Variants in PPEF1 observed in about 807,000 individuals in gnomAD.
PPEF1 encodes the protein protein phosphatase with EF-hand domain 1.
Under a neutral mutation model 53.3 loss-of-function variants are expected in PPEF1, and 12 were observed. The ratio of observed to expected loss-of-function variants is 0.23; its 90% CI spans 0.14 to 0.36. The LOEUF (loss-of-function observed/expected upper bound fraction) is 0.36, where lower values mean the gene tolerates loss of function less well. Among genes scored for constraint, PPEF1 ranks in the 10% least tolerant of loss-of-function variants. The pLI is 1.00. For missense variants in PPEF1, 334 were observed against 490.4 expected (o/e 0.68, Z 3.01); for synonymous variants, 165 against 176.7 (o/e 0.93, Z 0.52).
At chrX:18,741,180 C>G (rs1268329054) in intron 3 of PPEF1, among the ~76,000 whole-genome samples, 1 of 111,802 alleles carries the variant, frequency 8.9e-6, no homozygotes, top group East Asian at 2.8e-4. Flanking sequence ...TTTTAGATAA[C>G]TGCAATTCGA....
intron 15 of PPEF1, 24 bp downstream of exon 15, chrX:18,825,859 T>A (rs1385870998): frequency 9.2e-7 from 1 of 1,092,485 alleles, no homozygotes; most frequent in Admixed American, 2.4e-5. Context: ...CTTGGATGAG[T>A]CCATTTAAAA....
rs1472421414 is a variant in PPEF1 at position 18,827,762 on chromosome X, G to A, written c.*275G>A. 4 of 286,411 alleles carry A rather than the reference G, an allele frequency of 1.4e-5. No homozygotes were observed. Among genetic ancestry groups the A allele is most frequent in the Non-Finnish European group, 2.5e-5 (4 of 162,639 alleles). The allele number at this position is 286,411 out of a possible 1,213,427, so 23.6% of individuals were successfully genotyped here. ...GTTGGACCTAGTGGTGTTGTCGTGA[G>A]TGCCACCTAACCAGGAGGCCAGAGC... On this transcript the variant is annotated 3_prime_UTR_variant, in exon 16 of 16. Transcript: ENST00000470157.
intron 10 of PPEF1, among the ~76,000 whole-genome samples, chrX:18,794,796 C>T (rs1399038079): frequency 8.9e-6 from 1 of 112,067 alleles, no homozygotes; most frequent in Non-Finnish European, 1.9e-5. Context: ...TAGCCCTCTA[C>T]TGGGAGCTGG....
At chrX:18,711,090 G>GTATATATATA (rs34861524) in intron 1 of PPEF1, among the ~76,000 whole-genome samples, 2 of 100,580 alleles carry the variant, frequency 2.0e-5, no homozygotes, top group African/African-American at 7.4e-5. Context: ...GTGTGTGTGT[G>GTATATATATA]TGTATATATA....
At chrX:18,734,073 T>G (rs1255727964) in intron 3 of PPEF1, among the ~76,000 whole-genome samples, 1 of 111,276 alleles carries the variant, frequency 9.0e-6, no homozygotes, top group African/African-American at 3.3e-5. Flanking sequence ...GTTGAATGCC[T>G]TTTCTGAACT....
chrX:18,778,958 TA>T (rs1312828685), intron 6 of PPEF1, 51 bp from the exon 7 acceptor site: 9 of 1,091,994 alleles, frequency 8.2e-6, no homozygotes, highest in Non-Finnish European at 1.1e-5. Flanking sequence ...GGCCTGACTT[TA>T]AAAGTATATT....
intron 3 of PPEF1, among the ~76,000 whole-genome samples, chrX:18,737,530 T>C (rs1233559466): frequency 3.6e-5 from 4 of 111,631 alleles, no homozygotes; most frequent in Non-Finnish European, 7.5e-5. Context: ...TGCTGAGGAG[T>C]GCTTTACTTC....
intron 12 of PPEF1, among the ~76,000 whole-genome samples, chrX:18,809,443 C>T (rs1223155541): frequency 9.0e-6 from 1 of 110,813 alleles, no homozygotes; most frequent in African/African-American, 3.3e-5. Context: ...CAGTGGCTCA[C>T]GCTTGTAGTC....
chrX:18,707,534 T>C, upstream of PPEF1: 1 of 375,165 alleles, frequency 2.7e-6, no homozygotes, highest in Non-Finnish European at 4.6e-6. Flanking sequence ...GTCTGATCAC[T>C]TTCCACATCA....
chrX:18,739,628 T>G (rs2045093739), intron 3 of PPEF1, among the ~76,000 whole-genome samples: 1 of 112,165 alleles, frequency 8.9e-6, no homozygotes, highest in South Asian at 3.7e-4. Context: ...GATCTCATAC[T>G]CTGTGCTGGG....
intron 12 of PPEF1, among the ~76,000 whole-genome samples, chrX:18,808,419 T>C (rs778387010): frequency 9.0e-6 from 1 of 111,051 alleles, no homozygotes; most frequent in Non-Finnish European, 1.9e-5. Flanking sequence ...GTAGTATACA[T>C]GTACCATAAC....
At chrX:18,746,235 A>G (rs2045326853) in intron 3 of PPEF1, among the ~76,000 whole-genome samples, 2 of 112,441 alleles carry the variant, frequency 1.8e-5, no homozygotes, top group Non-Finnish European at 3.7e-5. Flanking sequence ...ATTAGTTATA[A>G]TAGTTCTAGC....
intron 3 of PPEF1, among the ~76,000 whole-genome samples, chrX:18,741,772 C>CTTTTTTTTTTTTT (rs58971135): frequency 1.5e-5 from 1 of 66,339 alleles, no homozygotes; most frequent in African/African-American, 5.9e-5. Context: ...GCTGCTGCTT[C>CTTTTTTTTTTTTT]TTTTTTTTTT....
chrX:18,775,555 T>C (rs1212814544), intron 6 of PPEF1, among the ~76,000 whole-genome samples: 1 of 112,248 alleles, frequency 8.9e-6, no homozygotes, highest in Non-Finnish European at 1.9e-5. Flanking sequence ...TTGAATAGTA[T>C]ATTCTTAATG....
Position 18,804,048 on chromosome X carries a change from G to A in PPEF1, c.1222G>A (p.Glu408Lys), listed in dbSNP as rs199621863. The change falls in exon 11 of 16, where the codon GAA (glutamate) becomes AAA (lysine). Residue 408 changes from glutamate to lysine, a missense_variant. Transcript: ENST00000470157. ...CATCAGGTCTCATGAATGTAAGCCC[G>A]AAGGGTATGAAATCTGTCATGATGG... is the stretch of plus-strand genomic sequence containing the variant. The part of the protein sequence containing the change: ...MLIRSHECKP[E>K]GYEICHDGKV... The A allele has an allele frequency of 5.0e-6, 6 of 1,199,967 alleles. No individual in the cohort carries two copies. The highest frequency in any genetic ancestry group is 2.3e-4 in the Middle Eastern group (1 of 4,311).
intron 6 of PPEF1, among the ~76,000 whole-genome samples, chrX:18,762,437 G>C (rs1390360567): frequency 1.8e-5 from 2 of 111,794 alleles, no homozygotes; most frequent in Non-Finnish European, 3.8e-5. Context: ...TACCAGAAAG[G>C]GGTCCCGATC....
chrX:18,806,664 A>G (rs1602474865), intron 12 of PPEF1, 119 bp downstream of exon 12: 1 of 731,846 alleles, frequency 1.4e-6, no homozygotes, highest in Non-Finnish European at 1.9e-6. Flanking sequence ...ACTCATTAGT[A>G]TCAACAAAAT....
chrX:18,684,837 G>C lies in PPEF1; in HGVS notation c.-520+68G>C, dbSNP rs1032769440. On this transcript the variant is annotated intron_variant, in intron 2 of 21. Coordinates refer to the PPEF1 transcript ENST00000361511. ...GGATGGATTTTCACCATGCTGCCCA[G>C]GCTGATCTTGAACTCCTGACATCAG... is the stretch of plus-strand genomic sequence containing the variant. Among the ~76,000 whole-genome samples the C allele has an allele frequency of 2.7e-5, 3 of 111,219 alleles. No homozygotes were observed. The Admixed American group carries it at 2.9e-4, about 11-fold the overall frequency.
intron 9 of PPEF1, among the ~76,000 whole-genome samples, chrX:18,787,718 G>A (rs1401626797): frequency 2.0e-5 from 2 of 100,074 alleles, no homozygotes; most frequent in Admixed American, 2.4e-4. Flanking sequence ...CCAGAAGTTC[G>A]AGACCAGCCT....
Sources: gnomAD v4.1 joint callset for allele counts (sites outside exome capture counted in the v4.1 genomes callset) on GRCh38, gnomAD v4.1.1 for gene constraint, MANE v1.5 for transcripts, NCBI Gene and HGNC (gene_info 2026-07-23, HGNC 2026-07-21) for gene names.